BRINP3: variants seen among roughly 807,000 people sequenced by gnomAD.
BRINP3 encodes the protein BMP/retinoic acid inducible neural specific 3.
A neutral mutation model predicts 71.0 loss-of-function variants in BRINP3; 19 were observed. That is an observed-to-expected ratio of 0.27 (90% CI 0.19 to 0.39). BRINP3 has a LOEUF of 0.39. Among genes scored for constraint, BRINP3 ranks in the 10% least tolerant of loss-of-function variants. The pLI, the probability that BRINP3 is intolerant of heterozygous loss-of-function variation, is 1.00. For synonymous variants in BRINP3, 380 were observed against 337.7 expected (o/e 1.13, Z -1.37); for missense variants, 959 against 940.8 (o/e 1.02, Z -0.25).
rs1467487370 is a variant in BRINP3, at chr1:190,226,125, T to G, written c.918A>C (p.Ile306=). ...IQAMEENLLR[I]TETWKAYNSD... ...TGTTGTAAGCTTTCCAGGTTTCAGT[T>G]ATTCGAAGAAGATTCTCTTCCATGG... Residue 306 remains isoleucine, a synonymous_variant, in exon 6 of 8, where the codon ATA becomes ATC. Coordinates refer to ENST00000367462, the MANE Select transcript of BRINP3 (RefSeq NM_199051.3). 3 of 1,610,512 alleles carry G rather than the reference T, an allele frequency of 1.9e-6. No homozygotes were observed. In the African/African-American group the frequency reaches 4.0e-5, roughly 22 times the overall value.
chr1:190,382,871 C>A (rs1280997720), intron 2 of BRINP3, among the ~76,000 whole-genome samples: 1 of 152,122 alleles, frequency 6.6e-6, no homozygotes, highest in Non-Finnish European at 1.5e-5. Flanking sequence ...CCACACCAAA[C>A]CAATCCGGGA....
At chr1:190,165,432 T>G (rs1651411286) in intron 6 of BRINP3, among the ~76,000 whole-genome samples, 1 of 146,504 alleles carries the variant, frequency 6.8e-6, no homozygotes, top group African/African-American at 2.5e-5. Flanking sequence ...GTATGCTCTG[T>G]TTCATTGGCT....
chr1:190,180,343 T>A (rs775512520), intron 6 of BRINP3, among the ~76,000 whole-genome samples: 1 of 152,104 alleles, frequency 6.6e-6, no homozygotes, highest in Non-Finnish European at 1.5e-5. Context: ...TGCACTTCTA[T>A]AGATATAGCT....
chr1:190,113,665 A>G (rs1486231773), intron 7 of BRINP3, among the ~76,000 whole-genome samples: 1 of 152,228 alleles, frequency 6.6e-6, no homozygotes, highest in African/African-American at 2.4e-5. Flanking sequence ...ATAAATGAGA[A>G]AGCTGAAATA....
intron 7 of BRINP3, among the ~76,000 whole-genome samples, chr1:190,145,023 C>CT (rs1320201719): frequency 1.3e-5 from 2 of 152,222 alleles, no homozygotes; most frequent in South Asian, 2.1e-4. Flanking sequence ...CTGGCATGTC[C>CT]TTTTTTTCTT....
chr1:190,265,560 AT>A (rs1661584001), intron 3 of BRINP3, among the ~76,000 whole-genome samples: 2 of 148,216 alleles, frequency 1.3e-5, no homozygotes, highest in Non-Finnish European at 3.0e-5. Flanking sequence ...ATATATATAT[AT>A]AAATTAGCCG....
intron 4 of BRINP3, among the ~76,000 whole-genome samples, chr1:190,253,112 AT>A (rs1004398158): frequency 6.6e-6 from 1 of 152,014 alleles, no homozygotes; most frequent in African/African-American, 2.4e-5. Context: ...TGAACTCATC[AT>A]TTTTTATGGC....
At chr1:190,473,540 C>CTTTT (rs201424484) in intron 1 of BRINP3, among the ~76,000 whole-genome samples, 26 of 133,058 alleles carry the variant, frequency 2.0e-4, no homozygotes, top group East Asian at 6.5e-4. Context: ...TAATTTTTCT[C>CTTTT]TTTTTTTTTT....
chr1:190,175,905 C>G (rs534354200), intron 6 of BRINP3, among the ~76,000 whole-genome samples: 19 of 152,242 alleles, frequency 1.2e-4, no homozygotes, highest in African/African-American at 4.3e-4. Context: ...TCTGCAGGAT[C>G]TTGAATCATG....
chr1:190,351,329 T>C (rs1466052312), intron 2 of BRINP3, among the ~76,000 whole-genome samples: 2 of 152,114 alleles, frequency 1.3e-5, no homozygotes, highest in Admixed American at 6.6e-5. Context: ...TGCTAACATA[T>C]GCAAAACTTA....
intron 7 of BRINP3, among the ~76,000 whole-genome samples, chr1:190,143,467 G>A (rs1258366621): frequency 2.0e-5 from 3 of 152,148 alleles, no homozygotes; most frequent in African/African-American, 7.2e-5. Context: ...GGGACATTGA[G>A]GGACCATTCT....
chr1:190,225,973 A>C, intron 6 of BRINP3, 109 bp downstream of exon 6: 1 of 748,602 alleles, frequency 1.3e-6, no homozygotes, highest in Non-Finnish European at 2.1e-6. Flanking sequence ...GAATAAAAAA[A>C]TGAAAATCTT....
intron 2 of BRINP3, among the ~76,000 whole-genome samples, chr1:190,425,406 C>T (rs1439010291): frequency 2.6e-5 from 4 of 151,670 alleles, no homozygotes; most frequent in Non-Finnish European, 1.5e-5. Flanking sequence ...CATAGCATAC[C>T]TCCTAATAAA....
chr1:190,349,070 T>C (rs1668205056), intron 2 of BRINP3, among the ~76,000 whole-genome samples: 1 of 152,122 alleles, frequency 6.6e-6, no homozygotes, highest in African/African-American at 2.4e-5. Context: ...AGATGGTATG[T>C]TGATCGGCCA....
chr1:190,363,628 C>T (rs866640690), intron 2 of BRINP3, among the ~76,000 whole-genome samples: 1 of 152,156 alleles, frequency 6.6e-6, no homozygotes, highest in Middle Eastern at 3.4e-3. Context: ...CAAGATTGCC[C>T]TGACTGCATT....
At chr1:190,327,801 A>T (rs1201492797) in intron 2 of BRINP3, among the ~76,000 whole-genome samples, 2 of 152,128 alleles carry the variant, frequency 1.3e-5, no homozygotes, top group Non-Finnish European at 2.9e-5. Flanking sequence ...TAGCAACTGG[A>T]TCTAATAGAC....
chr1:190,453,972 C>A (rs1459343958), intron 2 of BRINP3, among the ~76,000 whole-genome samples: 2 of 152,122 alleles, frequency 1.3e-5, no homozygotes, highest in African/African-American at 4.8e-5. Context: ...ATCAGGCAAC[C>A]ACTTGTACAC....
intron 5 of BRINP3, among the ~76,000 whole-genome samples, chr1:190,231,601 T>C (rs1466264100): frequency 1.3e-5 from 2 of 151,850 alleles, no homozygotes; most frequent in Admixed American, 6.6e-5. Flanking sequence ...TCAGAAGGCA[T>C]TGAAAAAAAT....
At chr1:190,308,483 G>A (rs1164336221) in intron 2 of BRINP3, among the ~76,000 whole-genome samples, 3 of 151,544 alleles carry the variant, frequency 2.0e-5, no homozygotes, top group Non-Finnish European at 4.4e-5. Context: ...CACACACTGG[G>A]GACTGTTGTA....
Sources: gnomAD v4.1 joint callset for allele counts (sites outside exome capture counted in the v4.1 genomes callset) on GRCh38, gnomAD v4.1.1 for gene constraint, MANE v1.5 for transcripts, NCBI Gene and HGNC (gene_info 2026-07-23, HGNC 2026-07-21) for gene names.